Variants in C12orf42 observed in about 807,000 individuals in gnomAD.
C12orf42 encodes the protein chromosome 12 open reading frame 42, also known as uncharacterized protein C12orf42.
In C12orf42, 25 loss-of-function variants were observed where a neutral mutation model predicts 21.6. That is an observed-to-expected ratio of 1.16 (90% CI 0.84 to 1.62). C12orf42 has a LOEUF of 1.62. Among genes scored for constraint, C12orf42 ranks in the 40% most tolerant of loss-of-function variants. The pLI is 0.00. For missense variants in C12orf42, 483 were observed against 459.3 expected (o/e 1.05, Z -0.47); for synonymous variants, 174 against 175.0 (o/e 0.99, Z 0.05).
At chr12:103,557,369 G>A in the C12orf42 span, 1 of 152,170 alleles carries the variant, frequency 6.6e-6, no homozygotes, top group Admixed American at 6.5e-5. Flanking sequence ...TCTGTTTACA[G>A]AGCATTTGAT....
intron 4 of C12orf42, among the ~76,000 whole-genome samples, chr12:103,325,814 G>C (rs1163944811): frequency 2.6e-5 from 4 of 152,118 alleles, no homozygotes; most frequent in African/African-American, 9.7e-5. Flanking sequence ...TTACCCAACA[G>C]AACGTGGCAG....
chr12:103,350,091 A>T (rs903880941), intron 4 of C12orf42, among the ~76,000 whole-genome samples: 1 of 152,142 alleles, frequency 6.6e-6, no homozygotes, highest in African/African-American at 2.4e-5. Flanking sequence ...TAAGATAATG[A>T]CCAAATTTAG....
chr12:103,432,130 C>A (rs1950311460), intron 2 of C12orf42, among the ~76,000 whole-genome samples: 1 of 152,114 alleles, frequency 6.6e-6, no homozygotes, highest in Non-Finnish European at 1.5e-5. Flanking sequence ...TGGAGTTGTA[C>A]ACATGCTCAC....
the C12orf42 span, among the ~76,000 whole-genome samples, chr12:103,517,495 G>A: frequency 6.6e-6 from 1 of 152,194 alleles, no homozygotes; most frequent in Non-Finnish European, 1.5e-5. Flanking sequence ...CAGTCCACCT[G>A]AAGTTCAAAG....
In C12orf42 at chr12:103,329,385, T is replaced by A. The variant is rs546297369; in HGVS notation, c.260-23040A>T. Among the ~76,000 whole-genome samples, 322 of 152,074 alleles carry A rather than the reference T, an allele frequency of 2.1e-3. 3 individuals are homozygous for A. Among genetic ancestry groups the A allele is most frequent in the African/African-American group, 7.5e-3 (310 of 41,468 alleles). ...TCACACACAAGGTCCTGTCGGTGGG[T>A]GGAGAGCAAGGAGAGGGAGAGCATT... On this transcript the variant is annotated intron_variant, in intron 4 of 5. Transcript: ENST00000548883.
the C12orf42 span, chr12:103,558,350 A>T: frequency 3.4e-4 from 51 of 152,138 alleles, no homozygotes; most frequent in African/African-American, 1.2e-3. Context: ...GACTTCTCCC[A>T]CTTCTGTTTT....
chr12:103,334,907 A>G (rs886787726), intron 4 of C12orf42, among the ~76,000 whole-genome samples: 1 of 152,234 alleles, frequency 6.6e-6, no homozygotes, highest in African/African-American at 2.4e-5. Flanking sequence ...ATGCCTATAC[A>G]TTAACAAAAG....
chr12:103,283,188 C>G (rs1192773479), intron 4 of C12orf42, among the ~76,000 whole-genome samples: 1 of 152,200 alleles, frequency 6.6e-6, no homozygotes, highest in East Asian at 1.9e-4. Context: ...TATCCTGTGC[C>G]TTTGCATGTC....
At chr12:103,068,934 CATATATATATATATATATATATATAT>C in the C12orf42 span, among the ~76,000 whole-genome samples, 100 of 48,156 alleles carry the variant, frequency 2.1e-3, 4 homozygotes, top group South Asian at 7.1e-3. Context: ...TCTCTCTCCA[CATATATATATATATATATATATATAT>C]ATATATATAT....
At chr12:103,316,669 G>A (rs201401014) in intron 4 of C12orf42, among the ~76,000 whole-genome samples, 1 of 151,956 alleles carries the variant, frequency 6.6e-6, no homozygotes, top group South Asian at 2.1e-4. Flanking sequence ...ATTTTTATTT[G>A]ATTAACCATA....
chr12:103,434,849 T>G (rs1481854056), intron 2 of C12orf42, among the ~76,000 whole-genome samples: 1 of 152,202 alleles, frequency 6.6e-6, no homozygotes, highest in Non-Finnish European at 1.5e-5. Context: ...TGCCCAGGCT[T>G]GCTTAGGTAA....
intron 3 of C12orf42, among the ~76,000 whole-genome samples, chr12:103,392,595 A>G (rs1171281918): frequency 7.3e-6 from 1 of 137,758 alleles, no homozygotes; most frequent in Non-Finnish European, 1.6e-5. Flanking sequence ...GCAATTTTAA[A>G]TGAAATTGTT....
At chr12:103,511,724 CTAA>C in the C12orf42 span, among the ~76,000 whole-genome samples, 1 of 152,176 alleles carries the variant, frequency 6.6e-6, no homozygotes, top group African/African-American at 2.4e-5. Context: ...TCCAAGTTGA[CTAA>C]TAATAGCACA....
At chr12:103,077,407 C>T in the C12orf42 span, among the ~76,000 whole-genome samples, 1 of 152,172 alleles carries the variant, frequency 6.6e-6, no homozygotes, top group African/African-American at 2.4e-5. Context: ...GTATGCCAGG[C>T]ATTCTTCTAA....
chr12:103,403,661 G>T (rs761362299), intron 2 of C12orf42, among the ~76,000 whole-genome samples: 1 of 152,182 alleles, frequency 6.6e-6, no homozygotes, highest in Non-Finnish European at 1.5e-5. Context: ...CATGTCTGCA[G>T]GGAGGGGAAG....
chr12:103,308,937 G>A (rs1184403579), intron 4 of C12orf42, among the ~76,000 whole-genome samples: 2 of 152,134 alleles, frequency 1.3e-5, no homozygotes, highest in Non-Finnish European at 2.9e-5. Context: ...ACAAGCCAAG[G>A]AACACCAAAT....
the C12orf42 span, among the ~76,000 whole-genome samples, chr12:103,176,030 G>T: frequency 6.6e-5 from 10 of 151,868 alleles, no homozygotes; most frequent in Non-Finnish European, 1.5e-4. Context: ...GAGCCCTGTT[G>T]TCCTGCAGGC....
chr12:103,116,506 T>G, the C12orf42 span, among the ~76,000 whole-genome samples: 1 of 151,948 alleles, frequency 6.6e-6, no homozygotes, highest in Admixed American at 6.6e-5. Context: ...TCACTGACAC[T>G]GCAATATGCC....
the C12orf42 span, among the ~76,000 whole-genome samples, chr12:103,133,467 T>A: frequency 6.6e-6 from 1 of 152,110 alleles, no homozygotes; most frequent in Non-Finnish European, 1.5e-5. Flanking sequence ...GGCATGCTCA[T>A]CTCACTGCTG....
Sources: allele counts gnomAD v4.1 joint callset (sites outside exome capture counted in the v4.1 genomes callset), GRCh38; gene constraint gnomAD v4.1.1; transcripts MANE v1.5; gene names NCBI Gene and HGNC (gene_info 2026-07-23, HGNC 2026-07-21).